The following GRM8 variants were observed in gnomAD, a reference collection of about 807,000 sequenced individuals.
GRM8 encodes the protein metabotropic glutamate receptor 8.
GRM8 carries 47 observed loss-of-function variants against 87.2 expected under a neutral mutation model. The observed-to-expected ratio is 0.54, with a 90% CI of 0.43 to 0.69. GRM8 has a LOEUF of 0.69. GRM8 is among the 30% of genes least tolerant of loss of function. The probability of loss-of-function intolerance (pLI) is 0.00; values close to 1 mark genes in which losing one functional copy is unlikely to be tolerated. For missense variants in GRM8, 1,019 were observed against 1,139.2 expected, an observed-to-expected ratio of 0.89 and a Z score of 1.52; for synonymous variants, 396 against 404.5, an observed-to-expected ratio of 0.98 and a Z score of 0.25.
chr7:126,588,438 A>C (rs1796368989), intron 8 of GRM8, among the ~76,000 whole-genome samples: 1 of 152,224 alleles, frequency 6.6e-6, no homozygotes, highest in Non-Finnish European at 1.5e-5. Flanking sequence ...TCGACCCAGC[A>C]ATCTCATTAC....
At chr7:126,653,363 A>G (rs950102764) in intron 7 of GRM8, among the ~76,000 whole-genome samples, 1 of 151,938 alleles carries the variant, frequency 6.6e-6, no homozygotes, top group African/African-American at 2.4e-5. Flanking sequence ...TCAATATTCA[A>G]TTAGGGGGAT....
At chr7:127,219,680 C>G (rs913828653) in intron 2 of GRM8, 2 of 152,240 alleles carry the variant, frequency 1.3e-5, no homozygotes, top group African/African-American at 4.8e-5. Flanking sequence ...AAGTGATGTT[C>G]CTGCCCAGGC....
At chr7:126,457,314 T>G (rs1803373083) in intron 9 of GRM8, among the ~76,000 whole-genome samples, 1 of 151,452 alleles carries the variant, frequency 6.6e-6, no homozygotes, top group South Asian at 2.1e-4. Context: ...AACATGAATC[T>G]TAAGTCCTAG....
At position 126,607,244 on chromosome 7, in the gene GRM8, A is replaced by G. The variant is rs572050624; in HGVS notation, c.1494+2118T>C. Among the ~76,000 whole-genome samples the G allele has an allele frequency of 8.2e-4, 125 of 152,346 alleles. 2 individuals are homozygous for G. In the South Asian group the frequency reaches 0.013, roughly 16 times the overall value. Reference sequence around the variant, plus strand: ...ATTTCATGAAGCACCTAGAAGTAGTAAAGTATTGATATGTGGCCTTACGTA... The same window carrying G: ...ATTTCATGAAGCACCTAGAAGTAGTGAAGTATTGATATGTGGCCTTACGTA... On this transcript the variant is annotated intron_variant, in intron 8 of 10. Coordinates refer to ENST00000339582, the MANE Select transcript of GRM8 (RefSeq NM_000845.3).
At chr7:127,059,331 C>CTTTTTTTTTTTTTTTTTTTTT (rs10618329) in intron 3 of GRM8, among the ~76,000 whole-genome samples, 5 of 130,592 alleles carry the variant, frequency 3.8e-5, no homozygotes, top group Non-Finnish European at 3.3e-5. Context: ...TTTTTTTTTG[C>CTTTTTTTTTTTTTTTTTTTTT]TTTTTTTTTT....
At chr7:127,213,603 T>G (rs1196065315) in intron 2 of GRM8, among the ~76,000 whole-genome samples, 1 of 152,230 alleles carries the variant, frequency 6.6e-6, no homozygotes, top group Non-Finnish European at 1.5e-5. Flanking sequence ...TCTAATTTTA[T>G]CCTTTATCTC....
chr7:127,124,496 T>G (rs1308491626), intron 2 of GRM8, among the ~76,000 whole-genome samples: 2 of 152,160 alleles, frequency 1.3e-5, no homozygotes, highest in Non-Finnish European at 2.9e-5. Context: ...AAAGTGAGGT[T>G]CCCTGAGGCC....
intron 6 of GRM8, among the ~76,000 whole-genome samples, chr7:126,882,541 TA>T (rs900665448): frequency 3.3e-5 from 5 of 151,950 alleles, no homozygotes; most frequent in Non-Finnish European, 5.9e-5. Context: ...GACTCATCGC[TA>T]AAAAAAACTT....
At chr7:126,600,032 A>C (rs1021842486) in intron 8 of GRM8, among the ~76,000 whole-genome samples, 5 of 152,178 alleles carry the variant, frequency 3.3e-5, no homozygotes, top group Non-Finnish European at 7.4e-5. Context: ...GACCATTAAA[A>C]GAATTTAAAG....
chr7:126,893,093 C>A (rs1801215723), intron 6 of GRM8, among the ~76,000 whole-genome samples: 1 of 152,002 alleles, frequency 6.6e-6, no homozygotes, highest in African/African-American at 2.4e-5. Flanking sequence ...TTTCATTATT[C>A]TGTTACCTCA....
chr7:127,015,089 AGAAGAAGGAGAAGGAGAAG>A (rs1190357062), intron 3 of GRM8, among the ~76,000 whole-genome samples: 40 of 137,038 alleles, frequency 2.9e-4, no homozygotes, highest in Middle Eastern at 3.6e-3. Context: ...GAGAAGAAGG[AGAAGAAGGAGAAGGAGAAG>A]GAAGAAGGAG....
intron 3 of GRM8, among the ~76,000 whole-genome samples, chr7:127,089,784 A>G (rs1287757795): frequency 6.6e-6 from 1 of 152,202 alleles, no homozygotes; most frequent in Non-Finnish European, 1.5e-5. Context: ...ACACTACTTA[A>G]GGGAACCCAG....
At chr7:127,178,070 G>T (rs1033692121) in intron 2 of GRM8, among the ~76,000 whole-genome samples, 1 of 152,134 alleles carries the variant, frequency 6.6e-6, no homozygotes, top group Non-Finnish European at 1.5e-5. Context: ...ACCAGAGAAA[G>T]GTGAAGCCCA....
chr7:126,545,230 A>G (rs1323336774), intron 8 of GRM8, among the ~76,000 whole-genome samples: 1 of 152,190 alleles, frequency 6.6e-6, no homozygotes. Flanking sequence ...GACCTGTAAT[A>G]TTTTGGGTAA....
At chr7:126,483,448 T>TTTCC (rs1806955925) in intron 9 of GRM8, among the ~76,000 whole-genome samples, 1 of 139,492 alleles carries the variant, frequency 7.2e-6, no homozygotes, top group African/African-American at 2.8e-5. Context: ...TTCACTATTC[T>TTTCC]CTCCCTCCCT....
chr7:126,848,777 C>T (rs140864170), intron 6 of GRM8, among the ~76,000 whole-genome samples: 38 of 152,210 alleles, frequency 2.5e-4, no homozygotes, highest in African/African-American at 8.7e-4. Flanking sequence ...ATCAAGATTG[C>T]ACCACTGTAC....
At chr7:126,503,454 G>A (rs908775665) in intron 9 of GRM8, among the ~76,000 whole-genome samples, 1 of 151,916 alleles carries the variant, frequency 6.6e-6, no homozygotes, top group East Asian at 1.9e-4. Context: ...ATATTGACAT[G>A]AGCACAGGAC....
intron 3 of GRM8, among the ~76,000 whole-genome samples, chr7:126,965,654 C>T (rs1809774524): frequency 6.6e-6 from 1 of 152,044 alleles, no homozygotes; most frequent in African/African-American, 2.4e-5. Flanking sequence ...TTCCTACACC[C>T]TCTCTACCAT....
At chr7:126,760,714 G>A (rs1246544230) in intron 7 of GRM8, among the ~76,000 whole-genome samples, 2 of 152,004 alleles carry the variant, frequency 1.3e-5, no homozygotes, top group African/African-American at 4.8e-5. Context: ...TTCCTCAATT[G>A]TATTTCTAAT....
Sources: allele counts gnomAD v4.1 joint callset (sites outside exome capture counted in the v4.1 genomes callset), GRCh38; gene constraint gnomAD v4.1.1; transcripts MANE v1.5; gene names NCBI Gene and HGNC (gene_info 2026-07-23, HGNC 2026-07-21).